Variants in ZNF350 observed in about 807,000 individuals in gnomAD.
The protein encoded by ZNF350 is zinc finger protein 350, also known as KRAB zinc finger protein ZFQR.
A neutral mutation model predicts 13.1 loss-of-function variants in ZNF350; 5 were observed. That is an observed-to-expected ratio of 0.38 (90% confidence interval 0.20 to 0.80). The LOEUF (loss-of-function observed/expected upper bound fraction) is 0.80. ZNF350 is among the 30% of genes least tolerant of loss of function. The pLI is 0.43. For synonymous variants in ZNF350, 199 were observed against 224.2 expected, an observed-to-expected ratio of 0.89 and a Z score of 1.00; for missense variants, 534 against 644.2, an observed-to-expected ratio of 0.83 and a Z score of 1.85.
chr19:51,969,263 G>T, intron 2 of ZNF350, 132 bp from the exon 3 acceptor site: 1 of 1,028,786 alleles, frequency 9.7e-7, no homozygotes, highest in Non-Finnish European at 1.4e-6. Flanking sequence ...AATACAATGT[G>T]GAAGAAGTAA....
intron 4 of ZNF350, among the ~76,000 whole-genome samples, chr19:51,966,745 T>G (rs892416569): frequency 2.0e-5 from 3 of 151,882 alleles, no homozygotes; most frequent in African/African-American, 7.3e-5. Flanking sequence ...CCTCCTGAGT[T>G]CAAGCGATTC....
chr19:51,981,944 C>CT (rs1171872400), intron 1 of ZNF350: 1 of 151,964 alleles, frequency 6.6e-6, no homozygotes, highest in Non-Finnish European at 1.5e-5. Context: ...AGAAATGAAT[C>CT]TTTTATCTGA....
chr19:51,982,736 C>T lies in ZNF350; in HGVS notation c.-172+4034G>A, dbSNP rs534699742. ...AGACTTGCCATATCAGTTATGAGGA[C>T]TTATAAAGCTACTTTAATTAGGACA... is the stretch of plus-strand genomic sequence containing the variant. On this transcript the variant is annotated intron_variant, in intron 1 of 4. Coordinates refer to ENST00000243644, the MANE Select transcript of ZNF350 (RefSeq NM_021632.4). Among the ~76,000 whole-genome samples the T allele has an allele frequency of 1.0e-3, 155 of 152,070 alleles. 1 individual carries two copies. The highest frequency in any genetic ancestry group is 3.6e-3 in the African/African-American group (149 of 41,476).
intron 3 of ZNF350, 65 bp downstream of exon 3, chr19:51,968,940 G>A: frequency 6.2e-7 from 1 of 1,613,620 alleles, no homozygotes; most frequent in Non-Finnish European, 8.5e-7. Context: ...CAAAGAGGTA[G>A]GCATCTGAGA....
intron 1 of ZNF350, chr19:51,982,123 T>G (rs2086060406): frequency 1.3e-5 from 2 of 152,112 alleles, no homozygotes; most frequent in Admixed American, 1.3e-4. Context: ...GCTAAATAAT[T>G]ATCTCTTAAA....
At chr19:51,981,212 A>C (rs1450254357) in intron 1 of ZNF350, 2 of 152,090 alleles carry the variant, frequency 1.3e-5, no homozygotes, top group Non-Finnish European at 2.9e-5. Context: ...TAGAGAATGC[A>C]GTCTTGCAAG....
In ZNF350 at chr19:51,965,894, T is replaced by C; in HGVS notation, c.559A>G (p.Thr187Ala). The C allele has an allele frequency of 1.2e-6, 2 of 1,614,130 alleles. No individual in the cohort carries two copies. Among genetic ancestry groups the C allele is most frequent in the Non-Finnish European group, 1.7e-6 (2 of 1,180,032 alleles). Residue 187 changes from threonine to alanine, a missense_variant, in exon 5 of 5, where the codon ACT becomes GCT. Transcript: ENST00000243644. ...KFPASQKLIS[T>A]KSQFISPKHQ... ...TTGGGACTGATGAATTGGGACTTAG[T>C]GCTGATGAGTTTTTGACTTGCAGGG...
At chr19:51,980,608 T>C (rs910534004) in intron 1 of ZNF350, among the ~76,000 whole-genome samples, 2 of 152,220 alleles carry the variant, frequency 1.3e-5, no homozygotes, top group South Asian at 4.1e-4. Context: ...GCAGCAGCAA[T>C]TGCGTCATCA....
At chr19:51,985,522 C>CTAA (rs755658769) in intron 1 of ZNF350, among the ~76,000 whole-genome samples, 3 of 152,176 alleles carry the variant, frequency 2.0e-5, no homozygotes, top group Non-Finnish European at 2.9e-5. Context: ...CACCATACGC[C>CTAA]TAAGCTCATT....
At chr19:51,970,050 GC>G (rs1391295176) in intron 2 of ZNF350, among the ~76,000 whole-genome samples, 2 of 141,732 alleles carry the variant, frequency 1.4e-5, no homozygotes, top group Non-Finnish European at 3.0e-5. Context: ...GTGACACTAC[GC>G]CTGGCTAATT....
rs1312586011 is a variant in ZNF350, at chr19:51,964,628, G to A, written c.*226C>T. ...AGTACTTCATTTCCTCCACTTAAAA[G>A]TACTTGGGCTTCCTTTACTCATTTA... is the stretch of plus-strand genomic sequence containing the variant. On this transcript the variant is annotated 3_prime_UTR_variant, in exon 5 of 5. Coordinates refer to ENST00000243644, the MANE Select transcript of ZNF350 (RefSeq NM_021632.4). 1.3e-5 allele frequency: 7 copies of A among 534,820 alleles called. No individual in the cohort carries two copies. In the Admixed American group the frequency reaches 2.1e-4, roughly 16 times the overall value. 33.1% of individuals were successfully genotyped at this position (534,820 alleles called of 1,614,324 possible).
chr19:51,971,668 C>G (rs72483948), intron 2 of ZNF350, among the ~76,000 whole-genome samples: 28,997 of 152,080 alleles, frequency 0.19, 3,156 homozygotes, highest in African/African-American at 0.29. Flanking sequence ...CACTGCACCC[C>G]CCCAACTATC....
At chr19:51,979,010 C>T (rs905010059) in intron 1 of ZNF350, among the ~76,000 whole-genome samples, 6 of 152,056 alleles carry the variant, frequency 3.9e-5, no homozygotes, top group East Asian at 1.9e-4. Flanking sequence ...AAGGTGCATG[C>T]GACCATGGAA....
chr19:51,966,883 G>GT (rs147286487), intron 4 of ZNF350, among the ~76,000 whole-genome samples: 6,463 of 152,098 alleles, frequency 0.042, 377 homozygotes, highest in African/African-American at 0.14. Flanking sequence ...CCGACCTCAG[G>GT]TGATCTGCCC....
rs193257005 is a variant in ZNF350 at position 51,968,116 on chromosome 19, G to A, written c.238+462C>T. Among the ~76,000 whole-genome samples the A allele has an allele frequency of 2.4e-4, 36 of 152,274 alleles. No individual in the cohort carries two copies. In the East Asian group the frequency reaches 4.8e-3, roughly 20 times the overall value. On this transcript the variant is annotated intron_variant, in intron 4 of 4. Coordinates refer to ENST00000243644, the MANE Select transcript of ZNF350 (RefSeq NM_021632.4). ...GAAGCGAAGGAAGCCAAGGCACAGC[G>A]AAAGTCCAGTTTACCCTGAGGAAGC...
Position 51,965,990 on chromosome 19 carries a change from C to A in ZNF350, c.463G>T (p.Val155Phe), listed in dbSNP as rs565393890. 17 of 1,614,124 alleles carry A rather than the reference C, an allele frequency of 1.1e-5. 1 individual carries two copies. In the South Asian group the frequency reaches 1.5e-4, roughly 15 times the overall value. The change falls in exon 5 of 5, where the codon GTT becomes TTT. Residue 155 changes from valine (V) to phenylalanine (F), a missense_variant. Coordinates refer to ENST00000243644, the MANE Select transcript of ZNF350 (RefSeq NM_021632.4). ...QSKGYEIKNS[V>F]EFTGNGDSFL... ...GAGTCCCCATTTCCAGTAAACTCAA[C>A]AGAGTTCTTTATTTCATAGCCTTTG...
intron 1 of ZNF350, among the ~76,000 whole-genome samples, chr19:51,975,027 A>G (rs1005965644): frequency 6.6e-6 from 1 of 152,262 alleles, no homozygotes; most frequent in African/African-American, 2.4e-5. Flanking sequence ...TTTTAAATAC[A>G]TAAAAAGCTA....
At chr19:51,972,081 T>C (rs530281739) in intron 2 of ZNF350, among the ~76,000 whole-genome samples, 1 of 151,778 alleles carries the variant, frequency 6.6e-6, no homozygotes, top group African/African-American at 2.4e-5. Flanking sequence ...TTTGCAGTGG[T>C]AGAGGGTGAA....
chr19:51,977,558 A>G (rs117941028), intron 1 of ZNF350, among the ~76,000 whole-genome samples: 2,862 of 152,304 alleles, frequency 0.019, 45 homozygotes, highest in Admixed American at 0.021. Context: ...CAGTGTACAC[A>G]GGCCGCTAAA....
Sources: allele counts gnomAD v4.1 joint callset (sites outside exome capture counted in the v4.1 genomes callset), GRCh38; gene constraint gnomAD v4.1.1; transcripts MANE v1.5; gene names NCBI Gene and HGNC (gene_info 2026-07-23, HGNC 2026-07-21).